Variants in DOT1L observed in about 807,000 individuals in gnomAD.
The protein encoded by DOT1L is histone-lysine N-methyltransferase, H3 lysine-79 specific.
DOT1L carries 33 observed loss-of-function variants against 153.3 expected under a neutral mutation model. The ratio of observed to expected loss-of-function variants is 0.22; its 90% confidence interval spans 0.16 to 0.29. DOT1L has a LOEUF of 0.29. Among genes scored for constraint, DOT1L ranks in the 10% least tolerant of loss-of-function variants. The probability of loss-of-function intolerance (pLI) is 1.00; values close to 1 mark genes in which losing one functional copy is unlikely to be tolerated. For missense variants in DOT1L, 1,847 were observed against 2,119.9 expected, an observed-to-expected ratio of 0.87 and a Z score of 2.53; for synonymous variants, 1,135 against 965.1, an observed-to-expected ratio of 1.18 and a Z score of -3.26.
At chr19:2,196,743 G>A (rs946696815) in intron 7 of DOT1L, among the ~76,000 whole-genome samples, 7 of 152,112 alleles carry the variant, frequency 4.6e-5, no homozygotes, top group Admixed American at 2.0e-4. Context: ...CGTGCTGGCC[G>A]GCGCTGGCAT....
Position 2,191,435 on chromosome 19 carries a change from G to A in DOT1L, c.493+195G>A. 3 of 622,666 alleles carry A rather than the reference G, an allele frequency of 4.8e-6. No homozygotes were observed. The highest frequency in any genetic ancestry group is 8.4e-6 in the Non-Finnish European group (3 of 358,340). 38.6% of individuals were successfully genotyped at this position (622,666 alleles called of 1,614,324 possible). A position where few individuals can be genotyped will look rare whatever the true frequency, so the allele number is the denominator to read the frequency against. On this transcript the variant is annotated intron_variant, in intron 5 of 27. Coordinates refer to ENST00000398665, the MANE Select transcript of DOT1L (RefSeq NM_032482.3). The surrounding 1 kb of genome is among the most constrained non-coding windows in gnomAD (Gnocchi z 6.8). ...CCCTGACCGGGCTCCACCCAGAGGG[G>A]AGAAATCGCAGGAACCCAGTGGCTC...
chr19:2,210,558 C>G (rs192444039), intron 13 of DOT1L, 48 bp downstream of exon 13: 1 of 1,590,038 alleles, frequency 6.3e-7, no homozygotes, highest in Non-Finnish European at 8.6e-7. Flanking sequence ...CCGCCCCCTG[C>G]CCGGGAGACC....
At chr19:2,195,418 C>T (rs563344733) in intron 7 of DOT1L, among the ~76,000 whole-genome samples, 8 of 152,266 alleles carry the variant, frequency 5.3e-5, no homozygotes, top group South Asian at 2.1e-4. Flanking sequence ...GATGGCGCCC[C>T]GGGCCCATCT....
At position 2,191,449 on chromosome 19, in the gene DOT1L, A is replaced by C; in HGVS notation, c.493+209A>C. On this transcript the variant is annotated intron_variant, in intron 5 of 27. Coordinates refer to ENST00000398665, the MANE Select transcript of DOT1L (RefSeq NM_032482.3). This position sits in a 1 kb window ranked among gnomAD's most constrained non-coding sequence, Gnocchi z 6.8. The stretch of plus-strand genomic sequence containing the variant: ...CACCCAGAGGGGAGAAATCGCAGGA[A>C]CCCAGTGGCTCCCAGACCAGGCCCA... The C allele has an allele frequency of 1.7e-6, 1 of 603,144 alleles. No homozygotes were observed. Among genetic ancestry groups the C allele is most frequent in the African/African-American group, 1.9e-5 (1 of 53,914 alleles). The allele number at this position is 603,144 out of a possible 1,614,324, so 37.4% of individuals were successfully genotyped here. A position where few individuals can be genotyped will look rare whatever the true frequency, so the allele number is the denominator to read the frequency against.
rs540929205 is a variant in DOT1L, at chr19:2,232,285, T to C, written c.*2493T>C. On this transcript the variant is annotated 3_prime_UTR_variant, in exon 28 of 28. Transcript: ENST00000398665. ...AGTGACTTATTTAAGACTTCCCCCTTAATTTATCTGCCCCCAGGATGCGTC... is the reference window on the plus strand; with the variant it reads ...AGTGACTTATTTAAGACTTCCCCCTCAATTTATCTGCCCCCAGGATGCGTC... 1 of 201,684 alleles carries C rather than the reference T, an allele frequency of 5.0e-6. No homozygotes were observed. Among genetic ancestry groups the C allele is most frequent in the African/African-American group, 2.3e-5 (1 of 43,108 alleles). The allele number at this position is 201,684 out of a possible 1,614,324, so 12.5% of individuals were successfully genotyped here.
At chr19:2,194,604 C>G (rs375338394) in intron 7 of DOT1L, 27 bp downstream of exon 7, 1 of 1,606,196 alleles carries the variant, frequency 6.2e-7, no homozygotes, top group South Asian at 1.1e-5. Flanking sequence ...CGCCCCGGCT[C>G]CCATCGCCGG....
chr19:2,196,665 C>T (rs533831071), intron 7 of DOT1L, among the ~76,000 whole-genome samples: 1 of 152,312 alleles, frequency 6.6e-6, no homozygotes, highest in South Asian at 2.1e-4. Flanking sequence ...GTTGTGTCGC[C>T]TGCAAACACG....
chr19:2,189,858 C>T (rs79010603), intron 4 of DOT1L, 63 bp downstream of exon 4: 72,333 of 1,566,774 alleles, frequency 0.046, 2,079 homozygotes, highest in East Asian at 0.11. Context: ...CCCTCCAGAC[C>T]CCTTATGTCA....
chr19:2,185,783 A>AC, intron 2 of DOT1L, 72 bp from the exon 3 acceptor site: 3 of 1,558,196 alleles, frequency 1.9e-6, no homozygotes, highest in South Asian at 2.2e-5. Flanking sequence ...CAAAAACAAA[A>AC]ACAAAAACAA....
chr19:2,200,740 C>T (rs556200475), intron 8 of DOT1L, among the ~76,000 whole-genome samples: 1 of 151,504 alleles, frequency 6.6e-6, no homozygotes, highest in African/African-American at 2.4e-5. Context: ...CCTCATCTTC[C>T]CTGTATTCCT....
rs2023784368 is a variant in DOT1L at position 2,213,492 on chromosome 19, CAGTCACCTGCCCTGGCCCTT to C, written c.1558-32_1558-13del. On this transcript the variant is annotated intron_variant, in intron 16 of 27. Transcript: ENST00000398665. ...GGCGTGGGCCCTCCCTGTGGGCCCT[CAGTCACCTGCCCTGGCCCTT>C]AGTCACCTGCCCTGTTTGTCCTACA... 3.8e-6 allele frequency: 6 copies of C among 1,592,064 alleles called. No individual in the cohort carries two copies. The East Asian group carries it at 6.7e-5, about 18-fold the overall frequency.
chr19:2,224,633 TTCGTTTTTTTGTTTTATAGAGATCG>T (rs1221565842), intron 25 of DOT1L, among the ~76,000 whole-genome samples: 1 of 151,928 alleles, frequency 6.6e-6, no homozygotes, highest in African/African-American at 2.4e-5. Context: ...CCGTGCCTCG[TTCGTTTTTTTGTTTTATAGAGATCG>T]GGTTTTGCCA....
intron 1 of DOT1L, among the ~76,000 whole-genome samples, chr19:2,169,879 A>G (rs934027820): frequency 2.0e-4 from 31 of 152,242 alleles, no homozygotes; most frequent in Non-Finnish European, 4.0e-4. Context: ...ACGGTTGCCC[A>G]GGCACGGTGG....
chr19:2,171,816 G>A (rs536489976), intron 1 of DOT1L, among the ~76,000 whole-genome samples: 2 of 152,190 alleles, frequency 1.3e-5, no homozygotes, highest in Non-Finnish European at 2.9e-5. Flanking sequence ...GTGTATTTGG[G>A]CCTCGTTTGC....
In DOT1L at chr19:2,226,320, C is replaced by G; in HGVS notation, c.3799C>G (p.Leu1267Val). The G allele has an allele frequency of 1.3e-6, 2 of 1,598,246 alleles. No homozygotes were observed. Among genetic ancestry groups the G allele is most frequent in the Non-Finnish European group, 1.7e-6 (2 of 1,174,154 alleles). The part of the protein sequence containing the change: ...ADSPLQASSA[L>V]SQNSLFTFRP... Reference sequence around the variant, plus strand: ...CAGCCCGCTGCAGGCCAGCTCCGCCCTCAGCCAGAACTCCCTGTTCACGTT... The same window carrying G: ...CAGCCCGCTGCAGGCCAGCTCCGCCGTCAGCCAGAACTCCCTGTTCACGTT... Residue 1267 changes from leucine to valine, a missense_variant, in exon 27 of 28, where the codon CTC becomes GTC. This residue lies in a region of DOT1L where 934 missense variants were observed against 825.3 expected (regional missense o/e 1.13). Coordinates refer to ENST00000398665, the MANE Select transcript of DOT1L (RefSeq NM_032482.3).
chr19:2,196,153 C>T (rs2023011301), intron 7 of DOT1L, among the ~76,000 whole-genome samples: 1 of 152,264 alleles, frequency 6.6e-6, no homozygotes, highest in African/African-American at 2.4e-5. Context: ...AGCTCAGACC[C>T]CTCCGCACTG....
intron 1 of DOT1L, among the ~76,000 whole-genome samples, chr19:2,165,021 G>C (rs1170110279): frequency 1.3e-5 from 2 of 152,186 alleles, no homozygotes; most frequent in Non-Finnish European, 2.9e-5. Flanking sequence ...ATGACAGGCC[G>C]GGTGGAATGT....
rs1036994031 is a variant in DOT1L, at chr19:2,231,700, C to T, written c.*1908C>T. On this transcript the variant is annotated 3_prime_UTR_variant, in exon 28 of 28. Coordinates refer to ENST00000398665, the MANE Select transcript of DOT1L (RefSeq NM_032482.3). ...CAGCCTGCTCTGTGTCGCCACGGGCCGGATACGCCACAGGGTTGATGGCAG... is the reference window on the plus strand; with the variant it reads ...CAGCCTGCTCTGTGTCGCCACGGGCTGGATACGCCACAGGGTTGATGGCAG... The T allele has an allele frequency of 1.9e-5, 4 of 213,658 alleles. No homozygotes were observed. The highest frequency in any genetic ancestry group is 1.2e-4 in the Admixed American group (2 of 17,050). 13.2% of individuals were successfully genotyped at this position (213,658 alleles called of 1,614,324 possible).
intron 1 of DOT1L, among the ~76,000 whole-genome samples, chr19:2,164,729 C>T (rs1468728308): frequency 6.6e-6 from 1 of 152,128 alleles, no homozygotes; most frequent in Non-Finnish European, 1.5e-5. Flanking sequence ...TCGGGCACGG[C>T]GGGCCCGACC....
Sources: gnomAD v4.1 joint callset for allele counts (sites outside exome capture counted in the v4.1 genomes callset) on GRCh38, gnomAD v4.1.1 for gene constraint, gnomAD v4.1.1 regional missense constraint, Gnocchi (gnomAD v3.1) non-coding constraint, MANE v1.5 for transcripts, NCBI Gene and HGNC (gene_info 2026-07-23, HGNC 2026-07-21) for gene names.